The following IGSF3 variants were observed in gnomAD, a reference collection of about 807,000 sequenced individuals.
IGSF3 encodes the protein immunoglobulin superfamily member 3.
In IGSF3, 23 loss-of-function variants were observed where a neutral mutation model predicts 114.4. The observed-to-expected ratio is 0.20, with a 90% CI of 0.14 to 0.28. The LOEUF is 0.28. Among genes scored for constraint, IGSF3 ranks in the 10% least tolerant of loss-of-function variants. The pLI is 1.00. For synonymous variants in IGSF3, 571 were observed against 645.2 expected, an observed-to-expected ratio of 0.88 and a Z score of 1.74; for missense variants, 1,172 against 1,591.5, an observed-to-expected ratio of 0.74 and a Z score of 4.48.
chr1:116,664,278 T>A lies in IGSF3; in HGVS notation c.43+2006A>T, dbSNP rs1378118249. Among the ~76,000 whole-genome samples the A allele has an allele frequency of 3.3e-5, 5 of 152,162 alleles. No individual in the cohort carries two copies. The highest frequency in any genetic ancestry group is 6.5e-5 in the Admixed American group (1 of 15,272). On this transcript the variant is annotated intron_variant, in intron 2 of 10. Coordinates refer to ENST00000369486, the MANE Select transcript of IGSF3 (RefSeq NM_001007237.3). The surrounding 1 kb of genome is among the most constrained non-coding windows in gnomAD (Gnocchi z 4.6). ...CTCATTTTCCTCCATGGCACCTGTTTACACATGAAGATGAGGGTGGAGGGA... is the reference window on the plus strand; with the variant it reads ...CTCATTTTCCTCCATGGCACCTGTTAACACATGAAGATGAGGGTGGAGGGA...
intron 2 of IGSF3, among the ~76,000 whole-genome samples, chr1:116,656,493 T>C (rs1648857920): frequency 6.6e-6 from 1 of 151,970 alleles, no homozygotes; most frequent in South Asian, 2.1e-4. Context: ...GGTTTCACTG[T>C]GTTAGCCAGG....
rs1433180575 is a variant in IGSF3, at chr1:116,654,046, C to T, written c.43+12238G>A. Among the ~76,000 whole-genome samples, 1 of 152,216 alleles carries T rather than the reference C, an allele frequency of 6.6e-6. No homozygotes were observed. Among genetic ancestry groups the T allele is most frequent in the Non-Finnish European group, 1.5e-5 (1 of 68,044 alleles). ...TCTAAACAATGTCATAAAGGGTTAC[C>T]TAGTTTGGGGTAAGCCCGGAATGAA... is the stretch of plus-strand genomic sequence containing the variant. On this transcript the variant is annotated intron_variant, in intron 2 of 10. Coordinates refer to ENST00000369486, the MANE Select transcript of IGSF3 (RefSeq NM_001007237.3). The surrounding 1 kb of genome is among the most constrained non-coding windows in gnomAD (Gnocchi z 4.4).
At position 116,588,878 on chromosome 1, in the gene IGSF3, G is replaced by C. The variant is rs774396784; in HGVS notation, c.2256C>G (p.Ala752=). Residue 752 remains alanine (A), a synonymous_variant, in exon 8 of 11, where the codon GCC becomes GCG. Coordinates refer to ENST00000369486, the MANE Select transcript of IGSF3 (RefSeq NM_001007237.3). This position sits in a 1 kb window ranked among gnomAD's most constrained non-coding sequence, Gnocchi z 4.9. ...ACACATGCCTCTCAAACTGGAGCCT[G>C]GCTCTCAGGCCCTCCTCCTCGGCGT... The part of the protein sequence containing the change: ...GTYAEEEGLR[A]RLQFERHVSG... The C allele has an allele frequency of 3.8e-5, 61 of 1,614,082 alleles. No individual in the cohort carries two copies. Among genetic ancestry groups the C allele is most frequent in the Non-Finnish European group, 4.8e-5 (57 of 1,180,042 alleles).
rs201079667 is a variant in IGSF3 at position 116,612,287 on chromosome 1, T to C, written c.832+1478A>G. On this transcript the variant is annotated intron_variant, in intron 4 of 10. Coordinates refer to ENST00000369486, the MANE Select transcript of IGSF3 (RefSeq NM_001007237.3). This position sits in a 1 kb window ranked among gnomAD's most constrained non-coding sequence, Gnocchi z 4.1. ...TGAAAGATCCAGAAGCTGCTAAATG[T>C]CCTACAGAGCAGATAAAGTGCTCCC... is the stretch of plus-strand genomic sequence containing the variant. Among the ~76,000 whole-genome samples, 5 of 152,152 alleles carry C rather than the reference T, an allele frequency of 3.3e-5. No individual in the cohort carries two copies.
At position 116,662,196 on chromosome 1, in the gene IGSF3, G is replaced by A. The variant is rs997221276; in HGVS notation, c.43+4088C>T. Among the ~76,000 whole-genome samples, 1 of 151,766 alleles carries A rather than the reference G, an allele frequency of 6.6e-6. No homozygotes were observed. The highest frequency in any genetic ancestry group is 1.5e-5 in the Non-Finnish European group (1 of 67,974). ...AGCGATTCTCCTGCCTCAGCCTCCC[G>A]AGTAGCTGGGATTACAGGAATGTGC... On this transcript the variant is annotated intron_variant, in intron 2 of 10. Coordinates refer to ENST00000369486, the MANE Select transcript of IGSF3 (RefSeq NM_001007237.3). This position sits in a 1 kb window ranked among gnomAD's most constrained non-coding sequence, Gnocchi z 4.3.
rs1173229895 is a variant in IGSF3 at position 116,655,164 on chromosome 1, C to A, written c.43+11120G>T. The stretch of plus-strand genomic sequence containing the variant: ...TTAGTCATGATTTTAACTGTGAATT[C>A]TGTGGCACCGGAGATAACAGAACAA... On this transcript the variant is annotated intron_variant, in intron 2 of 10. Transcript: ENST00000369486. The surrounding 1 kb of genome is among the most constrained non-coding windows in gnomAD (Gnocchi z 4.3). Among the ~76,000 whole-genome samples the A allele has an allele frequency of 6.6e-6, 1 of 152,180 alleles. No homozygotes were observed. The highest frequency in any genetic ancestry group is 1.9e-4 in the East Asian group (1 of 5,200).
intron 6 of IGSF3, among the ~76,000 whole-genome samples, chr1:116,601,575 T>G (rs2101436421): frequency 6.6e-6 from 1 of 152,246 alleles, no homozygotes; most frequent in African/African-American, 2.4e-5. Flanking sequence ...AAATAGAAAT[T>G]TAAAAAAAGT....
chr1:116,623,884 G>A (rs769165677), intron 2 of IGSF3, among the ~76,000 whole-genome samples: 18 of 151,030 alleles, frequency 1.2e-4, no homozygotes, highest in Non-Finnish European at 2.1e-4. Context: ...TCAGGAGTTC[G>A]AGACCAGCCT....
chr1:116,666,540 C>G lies in IGSF3; in HGVS notation c.-214G>C. Reference sequence around the variant, plus strand: ...CAAGTGTGAAAACTCCCCTATGCTACAGGAAGGGTCCACAACAATTCGGAA... The same window carrying G: ...CAAGTGTGAAAACTCCCCTATGCTAGAGGAAGGGTCCACAACAATTCGGAA... On this transcript the variant is annotated 5_prime_UTR_variant, in exon 2 of 11. Coordinates refer to ENST00000369486, the MANE Select transcript of IGSF3 (RefSeq NM_001007237.3). 1.6e-6 allele frequency: 1 copy of G among 613,834 alleles called. No individual in the cohort carries two copies. Among genetic ancestry groups the G allele is most frequent in the Admixed American group, 2.9e-5 (1 of 34,546 alleles). The allele number at this position is 613,834 out of a possible 1,614,324, so 38.0% of individuals were successfully genotyped here.
chr1:116,616,427 A>G lies in IGSF3; in HGVS notation c.74T>C (p.Val25Ala), dbSNP rs1405624076. Residue 25 changes from valine (V) to alanine (A), a missense_variant, in exon 3 of 11, where the codon GTT (valine) becomes GCT (alanine). By Grantham distance (64) the Val-to-Ala change is moderately conservative. Around this residue, in one of 3 missense-constraint regions of IGSF3, gnomAD observed 736 missense variants for 1,042.0 expected, o/e 0.71. Transcript: ENST00000369486. The surrounding 1 kb of genome is among the most constrained non-coding windows in gnomAD (Gnocchi z 6.6). ...CGTGCGGTACAAGGGTCCTTCCTGA[A>G]CGGTGACCTGCCGCTGTGCTGACAC... ...GVVSAQRQVT[V>A]QEGPLYRTEG... 1.2e-6 allele frequency: 2 copies of G among 1,603,522 alleles called. No individual in the cohort carries two copies. Among genetic ancestry groups the G allele is most frequent in the East Asian group, 4.5e-5 (2 of 44,632 alleles).
At position 116,577,112 on chromosome 1, in the gene IGSF3, G is replaced by A. The variant is rs183177627; in HGVS notation, c.*200C>T. ...ATAATGGCAGGATCACAACATTTGCGCGCAAATAGCTAACCAACCAAGACT... is the reference window on the plus strand; with the variant it reads ...ATAATGGCAGGATCACAACATTTGCACGCAAATAGCTAACCAACCAAGACT... On this transcript the variant is annotated 3_prime_UTR_variant, in exon 11 of 11. Coordinates refer to ENST00000369486, the MANE Select transcript of IGSF3 (RefSeq NM_001007237.3). The surrounding 1 kb of genome is among the most constrained non-coding windows in gnomAD (Gnocchi z 5.7). The A allele has an allele frequency of 9.0e-4, 522 of 578,568 alleles. 1 individual carries two copies. Among genetic ancestry groups the A allele is most frequent in the African/African-American group, 8.6e-3 (459 of 53,490 alleles). 35.8% of individuals were successfully genotyped at this position (578,568 alleles called of 1,614,324 possible).
chr1:116,608,116 T>G lies in IGSF3; in HGVS notation c.1048A>C (p.Lys350Gln). 1.2e-6 allele frequency: 2 copies of G among 1,613,942 alleles called. No homozygotes were observed. The highest frequency in any genetic ancestry group is 1.7e-6 in the Non-Finnish European group (2 of 1,179,856). The change falls in exon 5 of 11, where the codon AAG (lysine) becomes CAG (glutamine). Residue 350 changes from lysine to glutamine, a missense_variant. This residue lies in a region of IGSF3 where 736 missense variants were observed against 1,042.0 expected (regional missense o/e 0.71). Transcript: ENST00000369486. ...ACACTGTCGCTCTCTTTGGCCACCTTAAGCTGTCCCCTGGCTTCCCGGTGA... is the reference window on the plus strand; with the variant it reads ...ACACTGTCGCTCTCTTTGGCCACCTGAAGCTGTCCCCTGGCTTCCCGGTGA... ...FAHREARGQLKVAKESDSVFV... is the reference protein window; with the variant it reads ...FAHREARGQLQVAKESDSVFV...
Position 116,585,084 on chromosome 1 carries a change from A to G in IGSF3, c.2441-32T>C, listed in dbSNP as rs751289691. On this transcript the variant is annotated intron_variant, in intron 8 of 10. Coordinates refer to ENST00000369486, the MANE Select transcript of IGSF3 (RefSeq NM_001007237.3). This position sits in a 1 kb window ranked among gnomAD's most constrained non-coding sequence, Gnocchi z 4.9. ...CAGTAAGGAAGAGACGTCAGCGACA[A>G]AAGGACAACAAGCAATTCGTACGCA... The G allele has an allele frequency of 4.5e-5, 67 of 1,494,606 alleles. No individual in the cohort carries two copies. Among genetic ancestry groups the G allele is most frequent in the Admixed American group, 1.1e-4 (5 of 43,912 alleles). 92.6% of individuals were successfully genotyped at this position (1,494,606 alleles called of 1,614,324 possible). A position where few individuals can be genotyped will look rare whatever the true frequency, so the allele number is the denominator to read the frequency against.
Position 116,574,577 on chromosome 1 carries a change from G to C in IGSF3, c.*2735C>G, listed in dbSNP as rs1414707124. 1.3e-5 allele frequency: 2 copies of C among 152,440 alleles called. No individual in the cohort carries two copies. The highest frequency in any genetic ancestry group is 2.9e-5 in the Non-Finnish European group (2 of 68,000). 9.4% of individuals were successfully genotyped at this position (152,440 alleles called of 1,614,324 possible). A position where few individuals can be genotyped will look rare whatever the true frequency, so the allele number is the denominator to read the frequency against. On this transcript the variant is annotated 3_prime_UTR_variant, in exon 11 of 11. Coordinates refer to ENST00000369486, the MANE Select transcript of IGSF3 (RefSeq NM_001007237.3). This position sits in a 1 kb window ranked among gnomAD's most constrained non-coding sequence, Gnocchi z 5.2. The stretch of plus-strand genomic sequence containing the variant: ...TTTTTTTTCCTCAATAATTAACGCA[G>C]AGAAACCATTGTTTGAAAAGAATAT...
rs780775178 is a variant in IGSF3 at position 116,579,401 on chromosome 1, G to C, written c.3325C>G (p.Leu1109Val). 2.6e-6 allele frequency: 4 copies of C among 1,568,564 alleles called. No homozygotes were observed. Among genetic ancestry groups the C allele is most frequent in the Non-Finnish European group, 3.5e-6 (4 of 1,156,280 alleles). Reference protein sequence around the residue: ...EESAPIGIRVLDTSPTLQSII... With the variant: ...EESAPIGIRVVDTSPTLQSII... ...TACTTGGGAAACTCACTTGTATCTA[G>C]AACACGGATGCCGATGGGGGCTGAC... is the stretch of plus-strand genomic sequence containing the variant. Residue 1109 changes from leucine to valine, a missense_variant, in exon 10 of 11, where the codon CTA becomes GTA. Physicochemically the swap from Leu to Val is conservative, Grantham distance 32 (BLOSUM62 1). Around this residue, in one of 3 missense-constraint regions of IGSF3, gnomAD observed 423 missense variants for 509.8 expected, o/e 0.83. Transcript: ENST00000369486. The surrounding 1 kb of genome is among the most constrained non-coding windows in gnomAD (Gnocchi z 6.4).
At chr1:116,656,436 A>G (rs12025781) in intron 2 of IGSF3, among the ~76,000 whole-genome samples, 47,626 of 150,646 alleles carry the variant, frequency 0.32, 8,536 homozygotes, top group African/African-American at 0.48. Flanking sequence ...GGGTAGCTGC[A>G]ACTACAGGTG....
intron 4 of IGSF3, among the ~76,000 whole-genome samples, chr1:116,613,076 G>A (rs893838096): frequency 6.6e-6 from 1 of 152,184 alleles, no homozygotes; most frequent in Non-Finnish European, 1.5e-5. Flanking sequence ...GGTACTCTCA[G>A]ACTGGCCTCA....
Position 116,650,808 on chromosome 1 carries a change from C to T in IGSF3, c.43+15476G>A, listed in dbSNP as rs914649469. On this transcript the variant is annotated intron_variant, in intron 2 of 10. Coordinates refer to ENST00000369486, the MANE Select transcript of IGSF3 (RefSeq NM_001007237.3). The surrounding 1 kb of genome is among the most constrained non-coding windows in gnomAD (Gnocchi z 5.0). Reference sequence around the variant, plus strand: ...ATTATAATAGGGTGCTACAATTGGACATGTGTGCACAGAAAATGGAAAAAG... The same window carrying T: ...ATTATAATAGGGTGCTACAATTGGATATGTGTGCACAGAAAATGGAAAAAG... Among the ~76,000 whole-genome samples, 1 of 152,330 alleles carries T rather than the reference C, an allele frequency of 6.6e-6. No homozygotes were observed. Among genetic ancestry groups the T allele is most frequent in the African/African-American group, 2.4e-5 (1 of 41,570 alleles).
intron 4 of IGSF3, among the ~76,000 whole-genome samples, chr1:116,613,396 G>A (rs1417872522): frequency 5.3e-5 from 8 of 152,146 alleles, no homozygotes; most frequent in Non-Finnish European, 4.4e-5. Flanking sequence ...ATCATTAAAC[G>A]GGGCAGCAAC....
Sources: allele counts gnomAD v4.1 joint callset (sites outside exome capture counted in the v4.1 genomes callset), GRCh38; gene constraint gnomAD v4.1.1; regional missense constraint gnomAD v4.1.1; non-coding constraint Gnocchi (gnomAD v3.1); transcripts MANE v1.5; gene names NCBI Gene and HGNC (gene_info 2026-07-23, HGNC 2026-07-21).